Variants in PIP5K1A observed in about 807,000 individuals in gnomAD.
PIP5K1A encodes the protein phosphatidylinositol-4-phosphate 5-kinase type 1 alpha.
PIP5K1A carries 46 observed loss-of-function variants against 72.9 expected under a neutral mutation model. That is an observed-to-expected ratio of 0.63 (90% confidence interval 0.50 to 0.81). The LOEUF (loss-of-function observed/expected upper bound fraction) is 0.81, where lower values mean the gene tolerates loss of function less well. Ranked by LOEUF, PIP5K1A falls within the 30% of genes least tolerant of loss-of-function variation. The pLI, the probability that PIP5K1A is intolerant of heterozygous loss-of-function variation, is 0.00. For missense variants in PIP5K1A, 458 were observed against 706.1 expected, an observed-to-expected ratio of 0.65 and a Z score of 3.98; for synonymous variants, 228 against 255.1, an observed-to-expected ratio of 0.89 and a Z score of 1.01.
chr1:151,207,731 C>T (rs1177537007), intron 1 of PIP5K1A, among the ~76,000 whole-genome samples: 1 of 151,334 alleles, frequency 6.6e-6, no homozygotes, highest in Admixed American at 6.6e-5. Context: ...AGGGTTTCAC[C>T]ATGCTGGCCA....
chr1:151,215,916 A>G, intron 1 of PIP5K1A: 2 of 1,203,614 alleles, frequency 1.7e-6, no homozygotes, highest in South Asian at 2.5e-5. Context: ...CTGTAAGCAA[A>G]TGGGACCCCA....
At chr1:151,206,843 G>C (rs769470804) in intron 1 of PIP5K1A, among the ~76,000 whole-genome samples, 1 of 152,056 alleles carries the variant, frequency 6.6e-6, no homozygotes, top group Non-Finnish European at 1.5e-5. Flanking sequence ...TGGGATTATA[G>C]GCGTGAGCCA....
intron 7 of PIP5K1A, among the ~76,000 whole-genome samples, chr1:151,233,982 G>T (rs921414680): frequency 3.9e-5 from 6 of 152,148 alleles, no homozygotes; most frequent in African/African-American, 1.4e-4. Context: ...GCTGATTTCT[G>T]TATTGGAGAG....
At position 151,248,241 on chromosome 1, in the gene PIP5K1A, A is replaced by C. The variant is rs1692775952; in HGVS notation, c.*376A>C. ...TTCTTTCCCCTCGTCTTTGACTAGG[A>C]ACCGGACTCTTAATTTCCTCAGGAC... On this transcript the variant is annotated 3_prime_UTR_variant, in exon 16 of 16. Coordinates refer to ENST00000368888, the MANE Select transcript of PIP5K1A (RefSeq NM_001135638.2). 2 of 310,118 alleles carry C rather than the reference A, an allele frequency of 6.4e-6. No homozygotes were observed. Among genetic ancestry groups the C allele is most frequent in the Non-Finnish European group, 1.2e-5 (2 of 163,362 alleles). 19.2% of individuals were successfully genotyped at this position (310,118 alleles called of 1,614,324 possible). A position where few individuals can be genotyped will look rare whatever the true frequency, so the allele number is the denominator to read the frequency against.
rs933715329 is a variant in PIP5K1A at position 151,236,732 on chromosome 1, C to G, written c.1114C>G (p.Arg372Gly). Reference sequence around the variant, plus strand: ...CATGGAATCCATCCAGGGAGAGGCTCGACGGGGTGGTACCATGGAGACTGA... The same window carrying G: ...CATGGAATCCATCCAGGGAGAGGCTGGACGGGGTGGTACCATGGAGACTGA... ...TAMESIQGEARRGGTMETDDH... is the reference protein window; with the variant it reads ...TAMESIQGEAGRGGTMETDDH... The change falls in exon 9 of 16, where the codon CGA becomes GGA. Residue 372 changes from arginine (R) to glycine (G), a missense_variant. Transcript: ENST00000368888. 6.2e-7 allele frequency: 1 copy of G among 1,613,248 alleles called. No homozygotes were observed. The highest frequency in any genetic ancestry group is 8.5e-7 in the Non-Finnish European group (1 of 1,179,816).
Position 151,233,023 on chromosome 1 carries a change from C to T in PIP5K1A, c.639+320C>T, listed in dbSNP as rs12077026. The stretch of plus-strand genomic sequence containing the variant: ...GCTGAGACAGGAGAATGGCGTGAAT[C>T]TGGGAGGCGAAGTTTGCAGTGAGCC... On this transcript the variant is annotated intron_variant, in intron 7 of 15. Transcript: ENST00000368888. Among the ~76,000 whole-genome samples the T allele has an allele frequency of 7.3e-3, 1,087 of 148,230 alleles. 14 individuals are homozygous for T. The highest frequency in any genetic ancestry group is 0.025 in the African/African-American group (1,015 of 40,238).
At chr1:151,211,647 T>C (rs905238437) in intron 1 of PIP5K1A, among the ~76,000 whole-genome samples, 3 of 128,596 alleles carry the variant, frequency 2.3e-5, no homozygotes, top group Non-Finnish European at 3.3e-5. Flanking sequence ...ATACAAAAAA[T>C]TAGCCGGGCG....
At chr1:151,199,957 G>A (rs1288519621) in intron 1 of PIP5K1A, among the ~76,000 whole-genome samples, 2 of 151,964 alleles carry the variant, frequency 1.3e-5, no homozygotes, top group Non-Finnish European at 2.9e-5. Context: ...GGCCGCACAG[G>A]CACACAGACA....
At position 151,242,153 on chromosome 1, in the gene PIP5K1A, C is replaced by G. The variant is rs367565944; in HGVS notation, c.1394C>G (p.Ser465Cys). The G allele has an allele frequency of 3.1e-6, 5 of 1,614,024 alleles. No homozygotes were observed. The African/African-American group carries it at 6.7e-5, about 22-fold the overall frequency. Reference protein sequence around the residue: ...LKPSPSKKFRSGSSFSRRAGS... With the variant: ...LKPSPSKKFRCGSSFSRRAGS... The stretch of plus-strand genomic sequence containing the variant: ...CCTTCTCCTTCCAAAAAGTTTCGGT[C>G]TGGCTCATCTTTCTCTCGGCGAGCA... Residue 465 changes from serine to cysteine, a missense_variant, in exon 13 of 16, where the codon TCT becomes TGT. Ser to Cys is a moderately radical substitution (Grantham distance 112). This residue lies in a region of PIP5K1A where 157 missense variants were observed against 175.5 expected (regional missense o/e 0.89). Transcript: ENST00000368888.
At chr1:151,227,987 C>T (rs1225005477) in intron 4 of PIP5K1A, among the ~76,000 whole-genome samples, 3 of 152,168 alleles carry the variant, frequency 2.0e-5, no homozygotes, top group African/African-American at 7.2e-5. Flanking sequence ...TGTAACAAGG[C>T]CATGAAAGCC....
At chr1:151,198,163 A>G (rs1300330283), upstream of PIP5K1A, 1 of 463,562 alleles carries the variant, frequency 2.2e-6, no homozygotes, top group African/African-American at 2.0e-5. Flanking sequence ...CAAGAGTAGT[A>G]AAACAGGAAA....
chr1:151,228,627 G>C (rs1310652564), intron 4 of PIP5K1A, among the ~76,000 whole-genome samples: 1 of 152,190 alleles, frequency 6.6e-6, no homozygotes. Context: ...AAATTCTTGA[G>C]TTCTGGACTG....
chr1:151,229,132 C>T (rs1689605496), intron 4 of PIP5K1A, among the ~76,000 whole-genome samples: 1 of 129,572 alleles, frequency 7.7e-6, no homozygotes, highest in Non-Finnish European at 1.6e-5. Context: ...CGCGCCATTG[C>T]ACTCCAGCCT....
intron 1 of PIP5K1A, among the ~76,000 whole-genome samples, chr1:151,213,812 C>T (rs1437761118): frequency 1.3e-5 from 2 of 151,728 alleles, no homozygotes; most frequent in African/African-American, 4.8e-5. Flanking sequence ...GGTTATTAAG[C>T]AAAGAAAATG....
rs748395942 is a variant in PIP5K1A, at chr1:151,215,433, C to T, written c.86-8812C>T. On this transcript the variant is annotated intron_variant, in intron 1 of 15. Coordinates refer to ENST00000368888, the MANE Select transcript of PIP5K1A (RefSeq NM_001135638.2). ...TCCAGCTCTGCCTCCTGGGTTCAAG[C>T]GATTCTCCTGCCTCAGCCTCCTGAG... 5.3e-5 allele frequency among the ~76,000 whole-genome samples: 8 copies of T among 151,590 alleles called. No homozygotes were observed. The South Asian group carries it at 6.3e-4, about 12-fold the overall frequency.
intron 14 of PIP5K1A, among the ~76,000 whole-genome samples, chr1:151,246,045 G>A (rs1400567858): frequency 2.6e-5 from 4 of 152,054 alleles, no homozygotes; most frequent in East Asian, 1.9e-4. Context: ...CCAGAAGTTC[G>A]AGACCAGCCT....
At chr1:151,203,755 C>T (rs944501846) in intron 1 of PIP5K1A, among the ~76,000 whole-genome samples, 3 of 150,584 alleles carry the variant, frequency 2.0e-5, no homozygotes, top group Non-Finnish European at 3.0e-5. Context: ...ACCCAGGAGG[C>T]GCGGGTTGCA....
chr1:151,217,672 C>T (rs956745088), intron 1 of PIP5K1A, among the ~76,000 whole-genome samples: 6 of 152,188 alleles, frequency 3.9e-5, no homozygotes, highest in African/African-American at 7.2e-5. Context: ...GCACTGACCT[C>T]CCAGGCCCAG....
chr1:151,230,929 G>C (rs1689953541), intron 4 of PIP5K1A, among the ~76,000 whole-genome samples: 1 of 152,140 alleles, frequency 6.6e-6, no homozygotes, highest in Admixed American at 6.5e-5. Flanking sequence ...TCAGAATATT[G>C]GTTAATTTTA....
Sources: gnomAD v4.1 joint callset for allele counts (sites outside exome capture counted in the v4.1 genomes callset) on GRCh38, gnomAD v4.1.1 for gene constraint, gnomAD v4.1.1 regional missense constraint, MANE v1.5 for transcripts, NCBI Gene and HGNC (gene_info 2026-07-23, HGNC 2026-07-21) for gene names.